Variants in SLC25A21 observed in about 807,000 individuals in gnomAD.
SLC25A21 encodes solute carrier family 25 member 21, also known as mitochondrial 2-oxodicarboxylate carrier.
Under a neutral mutation model 43.8 loss-of-function variants are expected in SLC25A21, and 47 were observed. The observed-to-expected ratio is 1.07, with a 90% confidence interval of 0.85 to 1.37. The LOEUF (loss-of-function observed/expected upper bound fraction) is 1.37. SLC25A21 is among the 40% of genes most tolerant of loss of function. The pLI is 0.00. For synonymous variants in SLC25A21, 131 were observed against 121.3 expected (o/e 1.08, Z -0.52); for missense variants, 352 against 350.2 (o/e 1.00, Z -0.04).
chr14:36,920,207 T>C (rs1017982441), intron 1 of SLC25A21, among the ~76,000 whole-genome samples: 1 of 152,050 alleles, frequency 6.6e-6, no homozygotes, highest in Non-Finnish European at 1.5e-5. Flanking sequence ...TAAAGACACA[T>C]ATATATGGAA....
intron 1 of SLC25A21, among the ~76,000 whole-genome samples, chr14:37,113,892 T>C: frequency 6.6e-6 from 1 of 151,684 alleles, no homozygotes; most frequent in African/African-American, 2.4e-5. Context: ...GTTAAACTTC[T>C]CCCTCATTTG....
chr14:36,961,357 G>A (rs977968221), intron 1 of SLC25A21, among the ~76,000 whole-genome samples: 1 of 152,012 alleles, frequency 6.6e-6, no homozygotes, highest in Non-Finnish European at 1.5e-5. Context: ...GACTACAGGT[G>A]CCTGCCACCG....
At chr14:37,024,817 T>A (rs1443233685) in intron 1 of SLC25A21, among the ~76,000 whole-genome samples, 1 of 152,168 alleles carries the variant, frequency 6.6e-6, no homozygotes, top group Non-Finnish European at 1.5e-5. Flanking sequence ...ATCCCATAAT[T>A]AATCTCCTTA....
intron 1 of SLC25A21, among the ~76,000 whole-genome samples, chr14:37,084,846 T>C (rs910103123): frequency 6.6e-6 from 1 of 152,224 alleles, no homozygotes; most frequent in East Asian, 1.9e-4. Flanking sequence ...GACAGTCATA[T>C]AGGTCAGGAT....
chr14:36,720,874 T>C (rs910605687), intron 6 of SLC25A21, among the ~76,000 whole-genome samples: 15 of 152,174 alleles, frequency 9.9e-5, no homozygotes, highest in African/African-American at 2.9e-4. Flanking sequence ...CAACAGGCAC[T>C]GTAAGCAGGC....
chr14:36,691,830 T>G (rs1424071535), intron 7 of SLC25A21, among the ~76,000 whole-genome samples: 1 of 152,270 alleles, frequency 6.6e-6, no homozygotes, highest in African/African-American at 2.4e-5. Context: ...TTCCTCTAAA[T>G]ATTTTCTGAT....
intron 1 of SLC25A21, among the ~76,000 whole-genome samples, chr14:37,127,743 T>C (rs557233147): frequency 1.3e-3 from 193 of 152,292 alleles, no homozygotes; most frequent in African/African-American, 4.5e-3. Context: ...AACTAACATA[T>C]GGAAACCTCA....
chr14:36,877,969 C>A (rs17105614), intron 1 of SLC25A21, among the ~76,000 whole-genome samples: 1 of 152,076 alleles, frequency 6.6e-6, no homozygotes, highest in Admixed American at 6.6e-5. Flanking sequence ...GAAGACATTT[C>A]GAGGAGTTGT....
chr14:36,927,494 T>C (rs537185631), intron 1 of SLC25A21, among the ~76,000 whole-genome samples: 4 of 152,336 alleles, frequency 2.6e-5, no homozygotes, highest in African/African-American at 9.6e-5. Flanking sequence ...TCTCTTATTT[T>C]GTTTTCCTCA....
At chr14:36,990,843 T>C (rs1275814546) in intron 1 of SLC25A21, among the ~76,000 whole-genome samples, 1 of 151,864 alleles carries the variant, frequency 6.6e-6, no homozygotes, top group Non-Finnish European at 1.5e-5. Flanking sequence ...TTTGCACCAC[T>C]GCGCTCCAGC....
intron 3 of SLC25A21, among the ~76,000 whole-genome samples, chr14:36,776,146 T>G (rs988947544): frequency 2.0e-5 from 3 of 150,334 alleles, no homozygotes. Flanking sequence ...TGGTACATTG[T>G]TTTTTTTTCA....
intron 1 of SLC25A21, among the ~76,000 whole-genome samples, chr14:37,090,949 G>A (rs1327678523): frequency 6.6e-6 from 1 of 152,090 alleles, no homozygotes; most frequent in African/African-American, 2.4e-5. Flanking sequence ...TGTGTCTCTG[G>A]TGACAACATT....
At chr14:36,980,218 T>C (rs1010320618) in intron 1 of SLC25A21, among the ~76,000 whole-genome samples, 1 of 152,218 alleles carries the variant, frequency 6.6e-6, no homozygotes, top group Non-Finnish European at 1.5e-5. Context: ...CTGACAAGTA[T>C]GTGTCTTGGA....
intron 1 of SLC25A21, among the ~76,000 whole-genome samples, chr14:37,121,880 A>C (rs1963215233): frequency 6.6e-6 from 1 of 152,154 alleles, no homozygotes; most frequent in Admixed American, 6.5e-5. Flanking sequence ...ATCCCATCTC[A>C]TCTTATGCTC....
At chr14:36,807,386 A>G (rs1187359570) in intron 3 of SLC25A21, among the ~76,000 whole-genome samples, 1 of 152,170 alleles carries the variant, frequency 6.6e-6, no homozygotes, top group Non-Finnish European at 1.5e-5. Context: ...AGCAGCAGCA[A>G]CTACTGGGCT....
intron 3 of SLC25A21, among the ~76,000 whole-genome samples, chr14:36,775,982 C>A (rs1886805150): frequency 6.6e-6 from 1 of 152,086 alleles, no homozygotes; most frequent in Non-Finnish European, 1.5e-5. Context: ...GGGTTACCAC[C>A]TCATTTTTCT....
At chr14:36,829,918 T>C (rs712353) in intron 2 of SLC25A21, among the ~76,000 whole-genome samples, 129,344 of 152,026 alleles carry the variant, frequency 0.85, 56,348 homozygotes, top group Non-Finnish European at 0.95. Flanking sequence ...ACTGATGTTG[T>C]CTGCTGTTGC....
At chr14:36,759,335 A>G (rs1886053336) in intron 3 of SLC25A21, among the ~76,000 whole-genome samples, 1 of 152,156 alleles carries the variant, frequency 6.6e-6, no homozygotes, top group Non-Finnish European at 1.5e-5. Flanking sequence ...TGAAATGTGT[A>G]TCTAGTTTCC....
At chr14:36,881,645 A>G (rs1890729923) in intron 1 of SLC25A21, among the ~76,000 whole-genome samples, 1 of 152,184 alleles carries the variant, frequency 6.6e-6, no homozygotes, top group Non-Finnish European at 1.5e-5. Context: ...GTGAGTGTGT[A>G]ACTACATAGA....
Sources: gnomAD v4.1 joint callset for allele counts (sites outside exome capture counted in the v4.1 genomes callset) on GRCh38, gnomAD v4.1.1 for gene constraint, MANE v1.5 for transcripts, NCBI Gene and HGNC (gene_info 2026-07-23, HGNC 2026-07-21) for gene names.